Variants in LIN7A observed in about 807,000 individuals in gnomAD.
LIN7A encodes lin-7 cell polarity scaffold A, also known as protein lin-7 homolog A.
A neutral mutation model predicts 29.8 loss-of-function variants in LIN7A; 25 were observed. That is an observed-to-expected ratio of 0.84 (90% CI 0.61 to 1.17). LIN7A has a LOEUF of 1.17. Ranked by LOEUF, LIN7A falls within the 50% of genes most tolerant of loss-of-function variation. The pLI is 0.00. For missense variants in LIN7A, 239 were observed against 287.0 expected (o/e 0.83, Z 1.21); for synonymous variants, 118 against 107.5 (o/e 1.10, Z -0.60).
In LIN7A at chr12:80,795,077, C is replaced by G. The variant is rs1004968461; in HGVS notation, c.*2650G>C. On this transcript the variant is annotated 3_prime_UTR_variant, in exon 6 of 6. Transcript: ENST00000552864. Reference sequence around the variant, plus strand: ...AATTTGTTTATTACATTGAATTGAGCTTCATGTCAGAGCAATGCAGGTTTT... The same window carrying G: ...AATTTGTTTATTACATTGAATTGAGGTTCATGTCAGAGCAATGCAGGTTTT... 2 of 152,096 alleles carry G rather than the reference C, an allele frequency of 1.3e-5. No homozygotes were observed. Among genetic ancestry groups the G allele is most frequent in the Non-Finnish European group, 2.9e-5 (2 of 67,994 alleles). 9.4% of individuals were successfully genotyped at this position (152,096 alleles called of 1,614,324 possible). A position where few individuals can be genotyped will look rare whatever the true frequency, so the allele number is the denominator to read the frequency against.
At chr12:80,816,621 G>C (rs903447696) in intron 4 of LIN7A, among the ~76,000 whole-genome samples, 15 of 152,190 alleles carry the variant, frequency 9.9e-5, no homozygotes, top group African/African-American at 3.4e-4. Context: ...CATTTAGGAA[G>C]CTGGGAAAAA....
intron 2 of LIN7A, among the ~76,000 whole-genome samples, chr12:80,884,211 A>G (rs1177220548): frequency 1.3e-5 from 2 of 152,214 alleles, no homozygotes; most frequent in African/African-American, 4.8e-5. Flanking sequence ...TATACAACAT[A>G]GTTTTAAAAC....
At chr12:80,850,321 C>G (rs1186481522) in intron 2 of LIN7A, among the ~76,000 whole-genome samples, 1 of 152,094 alleles carries the variant, frequency 6.6e-6, no homozygotes, top group Non-Finnish European at 1.5e-5. Flanking sequence ...ACTTCTAGGT[C>G]TGTTATGAGG....
At chr12:80,859,827 A>G (rs74364355) in intron 2 of LIN7A, among the ~76,000 whole-genome samples, 225 of 152,296 alleles carry the variant, frequency 1.5e-3, no homozygotes, top group Non-Finnish European at 2.9e-3. Context: ...CCAAAGGACA[A>G]CCACTATTAA....
At chr12:80,857,625 A>G (rs1322287537) in intron 2 of LIN7A, among the ~76,000 whole-genome samples, 1 of 152,226 alleles carries the variant, frequency 6.6e-6, no homozygotes, top group Non-Finnish European at 1.5e-5. Context: ...AGAAAAGTCA[A>G]ATTGAAATTA....
rs190218120 is a variant in LIN7A, at chr12:80,873,768, C to T, written c.201+15483G>A. Among the ~76,000 whole-genome samples the T allele has an allele frequency of 9.3e-4, 142 of 151,902 alleles. 1 individual carries two copies. Among genetic ancestry groups the T allele is most frequent in the Non-Finnish European group, 4.4e-5 (3 of 67,966 alleles). ...CGTATGTTACTGGGGGGTCTCTAAT[C>T]CCTCACCTGGACTATTCTAAGGTAA... On this transcript the variant is annotated intron_variant, in intron 2 of 5. Transcript: ENST00000552864.
chr12:80,830,504 T>C (rs1318350496), intron 4 of LIN7A, among the ~76,000 whole-genome samples: 1 of 152,190 alleles, frequency 6.6e-6, no homozygotes, highest in African/African-American at 2.4e-5. Flanking sequence ...ATTACTTTTG[T>C]TACCAATGTT....
chr12:80,895,383 GT>G lies in LIN7A; in HGVS notation c.83-6015del, dbSNP rs2055946601. ...TTATTTTTTCATTCTCTAATGATGAGTTTTCATGAACTCGATTGACATTTAG... is the reference window on the plus strand; with the variant it reads ...TTATTTTTTCATTCTCTAATGATGAGTTTCATGAACTCGATTGACATTTAG... On this transcript the variant is annotated intron_variant, in intron 1 of 5. Coordinates refer to ENST00000552864, the MANE Select transcript of LIN7A (RefSeq NM_004664.4). Among the ~76,000 whole-genome samples the G allele has an allele frequency of 2.6e-5, 4 of 152,278 alleles. 1 individual carries two copies. Among genetic ancestry groups the G allele is most frequent in the Admixed American group, 2.6e-4 (4 of 15,302 alleles).
intron 5 of LIN7A, among the ~76,000 whole-genome samples, chr12:80,806,365 A>G (rs1870989738): frequency 6.6e-6 from 1 of 152,310 alleles, no homozygotes; most frequent in Admixed American, 6.5e-5. Context: ...ATTATCAAAT[A>G]TAGAAGTTAG....
intron 1 of LIN7A, among the ~76,000 whole-genome samples, chr12:80,902,665 A>C (rs1389998256): frequency 6.6e-6 from 1 of 151,894 alleles, no homozygotes; most frequent in Non-Finnish European, 1.5e-5. Flanking sequence ...CTCAGTCTGG[A>C]CATTGTTGGT....
chr12:80,876,241 T>G (rs1325894663), intron 2 of LIN7A, among the ~76,000 whole-genome samples: 1 of 151,824 alleles, frequency 6.6e-6, no homozygotes, highest in Admixed American at 6.6e-5. Flanking sequence ...CTCTCACAGA[T>G]GAGTTAAATA....
At chr12:80,876,368 G>A (rs1036189101) in intron 2 of LIN7A, among the ~76,000 whole-genome samples, 4 of 152,142 alleles carry the variant, frequency 2.6e-5, no homozygotes, top group Non-Finnish European at 5.9e-5. Flanking sequence ...TTCAGACACT[G>A]GGGTAGGGAA....
chr12:80,880,749 A>ACG lies in LIN7A; in HGVS notation c.201+8500_201+8501dup, dbSNP rs201835268. Among the ~76,000 whole-genome samples, 106 of 97,778 alleles carry ACG rather than the reference A, an allele frequency of 1.1e-3. 1 individual carries two copies. The highest frequency in any genetic ancestry group is 4.8e-3 in the Middle Eastern group (1 of 208). 64.1% of individuals were successfully genotyped at this position (97,778 alleles called of 152,430 possible). ...TGATAAACTCTGTTGGGAGGAGGCA[A>ACG]CGCACACACACACACACACACACAC... On this transcript the variant is annotated intron_variant, in intron 2 of 5. Transcript: ENST00000552864.
intron 4 of LIN7A, among the ~76,000 whole-genome samples, chr12:80,813,990 AC>A (rs1483430767): frequency 6.6e-6 from 1 of 152,122 alleles, no homozygotes; most frequent in East Asian, 1.9e-4. Flanking sequence ...GTTTGACATT[AC>A]ATTTTCACAA....
chr12:80,929,315 A>G (rs1193345446), intron 1 of LIN7A, among the ~76,000 whole-genome samples: 2 of 152,166 alleles, frequency 1.3e-5, no homozygotes, highest in Non-Finnish European at 2.9e-5. Context: ...TCTAAATTTT[A>G]TCTCTTTTAT....
chr12:80,908,369 C>T (rs554191139), intron 1 of LIN7A, among the ~76,000 whole-genome samples: 158 of 151,798 alleles, frequency 1.0e-3, no homozygotes, highest in African/African-American at 3.5e-3. Flanking sequence ...ATAAGTAATA[C>T]GAGTTATAAT....
intron 1 of LIN7A, among the ~76,000 whole-genome samples, chr12:80,935,249 T>C (rs1592963881): frequency 6.6e-6 from 1 of 152,244 alleles, no homozygotes; most frequent in East Asian, 1.9e-4. Context: ...CAACAGAGTG[T>C]GATAAATGCT....
intron 4 of LIN7A, among the ~76,000 whole-genome samples, chr12:80,819,375 T>C (rs1871689557): frequency 6.6e-6 from 1 of 152,206 alleles, no homozygotes; most frequent in African/African-American, 2.4e-5. Flanking sequence ...GTATCACATT[T>C]ATCTCTTGGA....
At chr12:80,932,734 T>C (rs891369182) in intron 1 of LIN7A, among the ~76,000 whole-genome samples, 2 of 152,230 alleles carry the variant, frequency 1.3e-5, no homozygotes, top group Admixed American at 6.5e-5. Flanking sequence ...GACCTTGAGA[T>C]GAAAAGTGAA....
Sources: gnomAD v4.1 joint callset for allele counts (sites outside exome capture counted in the v4.1 genomes callset) on GRCh38, gnomAD v4.1.1 for gene constraint, MANE v1.5 for transcripts, NCBI Gene and HGNC (gene_info 2026-07-23, HGNC 2026-07-21) for gene names.